The following LARP4 variants were observed in gnomAD, a reference collection of about 807,000 sequenced individuals.
The protein encoded by LARP4 is la-related protein 4.
A neutral mutation model predicts 92.9 loss-of-function variants in LARP4; 29 were observed. The observed-to-expected ratio is 0.31, with a 90% CI of 0.23 to 0.43. LARP4 has a LOEUF of 0.43. Ranked by LOEUF, LARP4 falls within the 20% of genes least tolerant of loss-of-function variation. The pLI, the probability that LARP4 is intolerant of heterozygous loss-of-function variation, is 1.00. For synonymous variants in LARP4, 279 were observed against 284.1 expected, an observed-to-expected ratio of 0.98 and a Z score of 0.18; for missense variants, 732 against 860.0, an observed-to-expected ratio of 0.85 and a Z score of 1.86.
chr12:50,479,547 T>G lies in LARP4; in HGVS notation c.*3683T>G, dbSNP rs1447849461. 6.6e-6 allele frequency: 1 copy of G among 152,242 alleles called. No homozygotes were observed. The highest frequency in any genetic ancestry group is 1.5e-5 in the Non-Finnish European group (1 of 68,044). The allele number at this position is 152,242 out of a possible 1,614,324, so 9.4% of individuals were successfully genotyped here. A position where few individuals can be genotyped will look rare whatever the true frequency, so the allele number is the denominator to read the frequency against. ...TGAAAGAGAATTTATTTTCAAGTTGTGAGTAAATCCTCCTTTGAAATTCAC... is the reference window on the plus strand; with the variant it reads ...TGAAAGAGAATTTATTTTCAAGTTGGGAGTAAATCCTCCTTTGAAATTCAC... On this transcript the variant is annotated 3_prime_UTR_variant, in exon 16 of 16. Transcript: ENST00000398473.
intron 1 of LARP4, among the ~76,000 whole-genome samples, chr12:50,415,332 T>G (rs1358484676): frequency 6.6e-6 from 1 of 152,206 alleles, no homozygotes; most frequent in Non-Finnish European, 1.5e-5. Flanking sequence ...TCTTACACTT[T>G]GAGTATTCTT....
intron 10 of LARP4, among the ~76,000 whole-genome samples, chr12:50,456,920 A>AT (rs35641350): frequency 1.3e-5 from 2 of 151,470 alleles, no homozygotes; most frequent in South Asian, 2.1e-4. Flanking sequence ...GGTAATATAA[A>AT]TTTTTTTTTT....
At chr12:50,423,504 A>G (rs1347097191) in intron 1 of LARP4, among the ~76,000 whole-genome samples, 3 of 152,094 alleles carry the variant, frequency 2.0e-5, no homozygotes, top group Non-Finnish European at 2.9e-5. Context: ...GCTGGAGTGC[A>G]GTGGCGTAAT....
intron 6 of LARP4, among the ~76,000 whole-genome samples, chr12:50,438,774 GT>G (rs1373962184): frequency 6.6e-6 from 1 of 152,104 alleles, no homozygotes; most frequent in East Asian, 1.9e-4. Context: ...AATGACAGGA[GT>G]TTGGGTTTGA....
intron 13 of LARP4, among the ~76,000 whole-genome samples, chr12:50,472,712 A>G (rs979836188): frequency 4.6e-5 from 7 of 151,844 alleles, no homozygotes; most frequent in African/African-American, 9.7e-5. Flanking sequence ...GGATCTTGCT[A>G]TGTTGTCCAA....
chr12:50,470,357 T>G (rs1260837936), intron 13 of LARP4, among the ~76,000 whole-genome samples: 1 of 152,212 alleles, frequency 6.6e-6, no homozygotes, highest in Admixed American at 6.5e-5. Context: ...AAAATAATGG[T>G]GTAGTTCAAC....
chr12:50,453,423 C>A, intron 8 of LARP4, 37 bp from the exon 9 acceptor site: 4 of 1,196,538 alleles, frequency 3.3e-6, no homozygotes, highest in South Asian at 2.5e-5. Context: ...AAAATATACA[C>A]TTAATTCTTT....
chr12:50,415,328 A>G (rs762177610), intron 1 of LARP4, among the ~76,000 whole-genome samples: 6 of 152,190 alleles, frequency 3.9e-5, no homozygotes, highest in Non-Finnish European at 8.8e-5. Flanking sequence ...TAGATCTTAC[A>G]CTTTGAGTAT....
At chr12:50,413,975 CAT>C (rs892355175) in intron 1 of LARP4, among the ~76,000 whole-genome samples, 2 of 152,120 alleles carry the variant, frequency 1.3e-5, no homozygotes, top group Non-Finnish European at 2.9e-5. Flanking sequence ...CTTGTACTTA[CAT>C]GTTTTTATAT....
intron 1 of LARP4, among the ~76,000 whole-genome samples, chr12:50,408,486 C>T (rs769280053): frequency 3.6e-4 from 55 of 152,108 alleles, no homozygotes; most frequent in Non-Finnish European, 6.9e-4. Flanking sequence ...CATGAGCCAC[C>T]GCACCCGGCG....
chr12:50,471,791 A>G (rs1050803302), intron 13 of LARP4, among the ~76,000 whole-genome samples: 2 of 152,128 alleles, frequency 1.3e-5, no homozygotes, highest in African/African-American at 4.8e-5. Flanking sequence ...CCAAAGTGCT[A>G]GGTTGACAGG....
intron 1 of LARP4, among the ~76,000 whole-genome samples, chr12:50,423,731 G>A (rs1948245552): frequency 6.6e-6 from 1 of 151,076 alleles, no homozygotes. Context: ...ACAGGCGTGA[G>A]CCATCGTCCC....
chr12:50,439,811 C>T (rs1950942853), intron 6 of LARP4, among the ~76,000 whole-genome samples: 1 of 151,884 alleles, frequency 6.6e-6, no homozygotes, highest in Admixed American at 6.6e-5. Flanking sequence ...AATCCATTAA[C>T]AGTTTTACCA....
At chr12:50,438,309 T>A (rs1237124150) in intron 6 of LARP4, among the ~76,000 whole-genome samples, 1 of 151,934 alleles carries the variant, frequency 6.6e-6, no homozygotes, top group Non-Finnish European at 1.5e-5. Context: ...CCATCCTGGC[T>A]AATATGGTGA....
chr12:50,450,098 T>G (rs535752037), intron 8 of LARP4, among the ~76,000 whole-genome samples: 1 of 151,996 alleles, frequency 6.6e-6, no homozygotes, highest in Non-Finnish European at 1.5e-5. Context: ...CACGCCCAGC[T>G]AATTTTTTGT....
chr12:50,409,029 G>T (rs1387281717), intron 1 of LARP4, among the ~76,000 whole-genome samples: 1 of 151,918 alleles, frequency 6.6e-6, no homozygotes, highest in African/African-American at 2.4e-5. Context: ...AATTTATAGG[G>T]CAGAAAGTTG....
intron 5 of LARP4, 142 bp downstream of exon 5, chr12:50,435,766 G>GTTT: frequency 1.8e-5 from 9 of 491,874 alleles, no homozygotes; most frequent in East Asian, 7.9e-5. Context: ...CTCTCTCTTT[G>GTTT]TTTTTTTTTT....
At chr12:50,447,056 CT>C (rs2137963270) in intron 8 of LARP4, among the ~76,000 whole-genome samples, 1 of 152,202 alleles carries the variant, frequency 6.6e-6, no homozygotes, top group South Asian at 2.1e-4. Context: ...CTTGGTGTGC[CT>C]TTGGTTTCTA....
At position 50,475,949 on chromosome 12, in the gene LARP4, G is replaced by T. The variant is rs190758426; in HGVS notation, c.*85G>T. 3.0e-5 allele frequency: 35 copies of T among 1,154,632 alleles called. No homozygotes were observed. In the African/African-American group the frequency reaches 3.9e-4, roughly 13 times the overall value. The allele number at this position is 1,154,632 out of a possible 1,614,324, so 71.5% of individuals were successfully genotyped here. A position where few individuals can be genotyped will look rare whatever the true frequency, so the allele number is the denominator to read the frequency against. On this transcript the variant is annotated 3_prime_UTR_variant, in exon 16 of 16. Coordinates refer to ENST00000398473, the MANE Select transcript of LARP4 (RefSeq NM_052879.5). ...TATTGAACTGTTTTGGAGGGGAGGG[G>T]GTAGCCAGGAAGGAAACAAGAGAAA...
Sources: gnomAD v4.1 joint callset for allele counts (sites outside exome capture counted in the v4.1 genomes callset) on GRCh38, gnomAD v4.1.1 for gene constraint, MANE v1.5 for transcripts, NCBI Gene and HGNC (gene_info 2026-07-23, HGNC 2026-07-21) for gene names.